The following AGAP1 variants were observed in gnomAD, a reference collection of about 807,000 sequenced individuals.
The protein encoded by AGAP1 is arf-GAP with GTPase, ANK repeat and PH domain-containing protein 1.
Under a neutral mutation model 105.3 loss-of-function variants are expected in AGAP1, and 29 were observed. That is an observed-to-expected ratio of 0.28 (90% CI 0.21 to 0.38). AGAP1 has a LOEUF of 0.38. Ranked by LOEUF, AGAP1 falls within the 10% of genes least tolerant of loss-of-function variation. AGAP1 has a pLI of 1.00. For synonymous variants in AGAP1, 509 were observed against 485.9 expected (o/e 1.05, Z -0.63); for missense variants, 998 against 1,165.1 (o/e 0.86, Z 2.09).
chr2:236,117,989 G>A (rs1315439943), intron 16 of AGAP1, among the ~76,000 whole-genome samples: 2 of 152,216 alleles, frequency 1.3e-5, no homozygotes, highest in African/African-American at 4.8e-5. Flanking sequence ...GAAAAGAGTC[G>A]GGGGTCACTC....
At chr2:236,108,530 G>A (rs185415660) in intron 16 of AGAP1, among the ~76,000 whole-genome samples, 18 of 152,276 alleles carry the variant, frequency 1.2e-4, no homozygotes, top group African/African-American at 3.8e-4. Flanking sequence ...TGTTGGCGGG[G>A]GCAGGGCAGC....
chr2:235,508,128 T>C (rs927337653), intron 1 of AGAP1, among the ~76,000 whole-genome samples: 1 of 152,240 alleles, frequency 6.6e-6, no homozygotes, highest in Non-Finnish European at 1.5e-5. Flanking sequence ...CTTTTTATTA[T>C]GGCTGCATAG....
At chr2:235,504,331 G>C (rs1559206868) in intron 1 of AGAP1, among the ~76,000 whole-genome samples, 1 of 152,186 alleles carries the variant, frequency 6.6e-6, no homozygotes, top group Non-Finnish European at 1.5e-5. Context: ...ATATGTGCTT[G>C]AGTGGTTGCC....
rs1948076060 is a variant in AGAP1 at position 235,664,828 on chromosome 2, T to G, written c.164-44351T>G. On this transcript the variant is annotated intron_variant, in intron 1 of 17. Transcript: ENST00000304032. The surrounding 1 kb of genome is among the most constrained non-coding windows in gnomAD (Gnocchi z 5.7). ...CAGTTCCCATTCTCAGAGGATAAAG[T>G]ACGTGTGAGTGATGCCACCTCAACC... is the stretch of plus-strand genomic sequence containing the variant. Among the ~76,000 whole-genome samples, 1 of 152,160 alleles carries G rather than the reference T, an allele frequency of 6.6e-6. No individual in the cohort carries two copies. Among genetic ancestry groups the G allele is most frequent in the African/African-American group, 2.4e-5 (1 of 41,436 alleles).
chr2:235,686,665 A>AGATATATATATATATATATTTT (rs1949459571), intron 1 of AGAP1, among the ~76,000 whole-genome samples: 1 of 77,492 alleles, frequency 1.3e-5, no homozygotes, highest in Non-Finnish European at 2.2e-5. Flanking sequence ...ATATATATAT[A>AGATATATATATATATATATTTT]TTTTTTTTTT....
At chr2:235,760,927 T>G (rs1263612734) in intron 6 of AGAP1, among the ~76,000 whole-genome samples, 3 of 152,216 alleles carry the variant, frequency 2.0e-5, no homozygotes, top group Non-Finnish European at 2.9e-5. Context: ...GTCTATCGCT[T>G]GATTTGCTTA....
rs997851906 is a variant in AGAP1, at chr2:235,639,865, C to A, written c.164-69314C>A. Among the ~76,000 whole-genome samples, 8 of 152,170 alleles carry A rather than the reference C, an allele frequency of 5.3e-5. No individual in the cohort carries two copies. Among genetic ancestry groups the A allele is most frequent in the African/African-American group, 1.9e-4 (8 of 41,434 alleles). Reference sequence around the variant, plus strand: ...TATTTGCAACGTCTTGAGGGGTCCACGGATTGATAGAGTCAGCAGGGATGG... The same window carrying A: ...TATTTGCAACGTCTTGAGGGGTCCAAGGATTGATAGAGTCAGCAGGGATGG... On this transcript the variant is annotated intron_variant, in intron 1 of 17. Transcript: ENST00000304032. The surrounding 1 kb of genome is among the most constrained non-coding windows in gnomAD (Gnocchi z 5.3).
intron 9 of AGAP1, among the ~76,000 whole-genome samples, chr2:235,828,840 C>T (rs563044089): frequency 6.6e-6 from 1 of 152,308 alleles, no homozygotes; most frequent in African/African-American, 2.4e-5. Context: ...TTGCATGACT[C>T]ACAGCCCTTA....
chr2:235,860,650 G>A (rs35318661), intron 9 of AGAP1, among the ~76,000 whole-genome samples: 2,070 of 152,256 alleles, frequency 0.014, 29 homozygotes, highest in Middle Eastern at 0.02. Context: ...ACAGAGAAGT[G>A]GCAGTAGTAC....
rs765174661 is a variant in AGAP1 at position 235,762,689 on chromosome 2, G to A, written c.673+12201G>A. On this transcript the variant is annotated intron_variant, in intron 6 of 17. Transcript: ENST00000304032. ...TCAAGACCAGACCGGCCAACATGGC[G>A]AAACCCTGTCTCTACTGAAAATACA... 7.9e-5 allele frequency among the ~76,000 whole-genome samples: 12 copies of A among 152,222 alleles called. No homozygotes were observed. In the South Asian group the frequency reaches 8.3e-4, roughly 11 times the overall value.
chr2:235,966,002 C>A (rs2054373244), intron 12 of AGAP1, among the ~76,000 whole-genome samples: 1 of 125,926 alleles, frequency 7.9e-6, no homozygotes, highest in African/African-American at 3.1e-5. Flanking sequence ...GAGAGGGAGC[C>A]CTTTCCTCTG....
At position 236,080,321 on chromosome 2, in the gene AGAP1, C is replaced by G. The variant is rs1029952576; in HGVS notation, c.2114+31040C>G. Among the ~76,000 whole-genome samples the G allele has an allele frequency of 3.3e-5, 5 of 152,224 alleles. No individual in the cohort carries two copies. The highest frequency in any genetic ancestry group is 3.3e-4 in the Admixed American group (5 of 15,280). On this transcript the variant is annotated intron_variant, in intron 16 of 17. Transcript: ENST00000304032. This position sits in a 1 kb window ranked among gnomAD's most constrained non-coding sequence, Gnocchi z 4.2. ...GGCAAAGATCAGACTGCCTCCTCCACCAAGTCTCTGGTCTAGATTCTGTGA... is the reference window on the plus strand; with the variant it reads ...GGCAAAGATCAGACTGCCTCCTCCAGCAAGTCTCTGGTCTAGATTCTGTGA...
chr2:235,882,371 T>C lies in AGAP1; in HGVS notation c.1051-974T>C. 1 of 1,473,732 alleles carries C rather than the reference T, an allele frequency of 6.8e-7. No individual in the cohort carries two copies. The highest frequency in any genetic ancestry group is 9.4e-7 in the Non-Finnish European group (1 of 1,067,408). The allele number at this position is 1,473,732 out of a possible 1,614,324, so 91.3% of individuals were successfully genotyped here. On this transcript the variant is annotated intron_variant, in intron 9 of 17. Coordinates refer to ENST00000304032, the MANE Select transcript of AGAP1 (RefSeq NM_001037131.3). This position sits in a 1 kb window ranked among gnomAD's most constrained non-coding sequence, Gnocchi z 4.6. ...GAAATCCTCCGGGCTCTTAGGAAAT[T>C]TCACTCCGCTTCTGCCCAGTGGTCT...
chr2:235,670,439 G>A (rs1948331259), intron 1 of AGAP1: 2 of 549,622 alleles, frequency 3.6e-6, no homozygotes, highest in Non-Finnish European at 6.6e-6. Context: ...GTGCGCACGC[G>A]GCCTGGAACC....
rs557124791 is a variant in AGAP1 at position 235,705,495 on chromosome 2, C to T, written c.164-3684C>T. Among the ~76,000 whole-genome samples the T allele has an allele frequency of 1.1e-4, 16 of 152,320 alleles. No individual in the cohort carries two copies. The highest frequency in any genetic ancestry group is 2.6e-4 in the Admixed American group (4 of 15,292). On this transcript the variant is annotated intron_variant, in intron 1 of 17. Transcript: ENST00000304032. The surrounding 1 kb of genome is among the most constrained non-coding windows in gnomAD (Gnocchi z 4.9). The stretch of plus-strand genomic sequence containing the variant: ...CTGCCCCACCCTTCCTCGACCCCAC[C>T]TACTGAGTGATGAACAATTCCACGC...
Position 235,906,401 on chromosome 2 carries a change from C to G in AGAP1, c.1156-2337C>G, listed in dbSNP as rs2051307819. Among the ~76,000 whole-genome samples, 1 of 152,168 alleles carries G rather than the reference C, an allele frequency of 6.6e-6. No individual in the cohort carries two copies. The highest frequency in any genetic ancestry group is 2.4e-5 in the African/African-American group (1 of 41,430). On this transcript the variant is annotated intron_variant, in intron 10 of 17. Transcript: ENST00000304032. This position sits in a 1 kb window ranked among gnomAD's most constrained non-coding sequence, Gnocchi z 5.3. ...GACCCTGGTGTTTTGAGCTTTCTGT[C>G]TGCACCAAGACTTCCGTCCTCAGGG...
At chr2:235,765,586 T>C (rs1390640179) in intron 6 of AGAP1, among the ~76,000 whole-genome samples, 1 of 152,178 alleles carries the variant, frequency 6.6e-6, no homozygotes, top group African/African-American at 2.4e-5. Flanking sequence ...CATGTTCCCT[T>C]CTCCCTGGGC....
intron 1 of AGAP1, among the ~76,000 whole-genome samples, chr2:235,500,689 T>C (rs1941525503): frequency 6.6e-6 from 1 of 152,132 alleles, no homozygotes; most frequent in Non-Finnish European, 1.5e-5. Flanking sequence ...TTCAAGCTGG[T>C]GTTCATGTGA....
rs913816920 is a variant in AGAP1 at position 235,716,224 on chromosome 2, A to G, written c.223-1333A>G. 6.6e-5 allele frequency among the ~76,000 whole-genome samples: 10 copies of G among 152,118 alleles called. No individual in the cohort carries two copies. The highest frequency in any genetic ancestry group is 1.5e-5 in the Non-Finnish European group (1 of 68,012). On this transcript the variant is annotated intron_variant, in intron 2 of 17. Coordinates refer to ENST00000304032, the MANE Select transcript of AGAP1 (RefSeq NM_001037131.3). The surrounding 1 kb of genome is among the most constrained non-coding windows in gnomAD (Gnocchi z 4.0). The stretch of plus-strand genomic sequence containing the variant: ...TGGAGGATCAGCTGGAGATGTGAGG[A>G]TGGAGCCCTGGCGAGTCCCAGTATG...
Sources: allele counts gnomAD v4.1 joint callset (sites outside exome capture counted in the v4.1 genomes callset), GRCh38; gene constraint gnomAD v4.1.1; non-coding constraint Gnocchi (gnomAD v3.1); transcripts MANE v1.5; gene names NCBI Gene and HGNC (gene_info 2026-07-23, HGNC 2026-07-21).